Variants in CYB5RL observed in about 807,000 individuals in gnomAD.
The protein encoded by CYB5RL is cytochrome b5 reductase like, also known as NADH-cytochrome b5 reductase-like.
CYB5RL carries 38 observed loss-of-function variants against 37.5 expected under a neutral mutation model. The observed-to-expected ratio is 1.01, with a 90% CI of 0.78 to 1.33. The LOEUF is 1.33. CYB5RL is among the 40% of genes most tolerant of loss of function. CYB5RL has a pLI of 0.00. For missense variants in CYB5RL, 388 were observed against 394.4 expected (o/e 0.98, Z 0.14); for synonymous variants, 141 against 151.9 (o/e 0.93, Z 0.53).
intron 6 of CYB5RL, among the ~76,000 whole-genome samples, chr1:54,180,598 C>T (rs1462201579): frequency 2.0e-5 from 3 of 150,036 alleles, no homozygotes; most frequent in Non-Finnish European, 4.4e-5. Context: ...TGCGAGACTC[C>T]GTCTCAAAGA....
Position 54,196,385 on chromosome 1 carries a change from G to A in CYB5RL, c.-116C>T, listed in dbSNP as rs1484288438. The A allele has an allele frequency of 6.6e-6, 1 of 152,040 alleles. No homozygotes were observed. The highest frequency in any genetic ancestry group is 1.5e-5 in the Non-Finnish European group (1 of 68,030). The allele number at this position is 152,040 out of a possible 1,614,324, so 9.4% of individuals were successfully genotyped here. On this transcript the variant is annotated 5_prime_UTR_variant, in exon 2 of 8. Coordinates refer to ENST00000534324, the MANE Select transcript of CYB5RL (RefSeq NM_001031672.4). ...TTTACTTACATTTTGTAGAGACAGG[G>A]TCTCACTATGTTGCCAGTCTGGTCT...
rs979697093 is a variant in CYB5RL, at chr1:54,170,932, A to G, written c.*3687T>C. The G allele has an allele frequency of 8.7e-6, 3 of 343,044 alleles. No homozygotes were observed. The highest frequency in any genetic ancestry group is 6.4e-5 in the African/African-American group (3 of 46,574). The allele number at this position is 343,044 out of a possible 1,614,324, so 21.3% of individuals were successfully genotyped here. On this transcript the variant is annotated 3_prime_UTR_variant, in exon 8 of 8. Coordinates refer to ENST00000534324, the MANE Select transcript of CYB5RL (RefSeq NM_001031672.4). ...GAGGAAACACCTTTTGCCACCTGGAAAGCACTTCCTGAACATTAGTTGTTT... is the reference window on the plus strand; with the variant it reads ...GAGGAAACACCTTTTGCCACCTGGAGAGCACTTCCTGAACATTAGTTGTTT...
chr1:54,191,870 TG>T (rs569914126), intron 3 of CYB5RL, among the ~76,000 whole-genome samples: 2 of 152,336 alleles, frequency 1.3e-5, no homozygotes, highest in African/African-American at 4.8e-5. Context: ...AACACTGGAC[TG>T]GGAGTCGGGA....
chr1:54,182,313 A>C (rs951501529), intron 6 of CYB5RL, among the ~76,000 whole-genome samples: 1 of 152,184 alleles, frequency 6.6e-6, no homozygotes, highest in African/African-American at 2.4e-5. Context: ...GGCACACATG[A>C]GGTGCTACAC....
intron 3 of CYB5RL, among the ~76,000 whole-genome samples, chr1:54,192,018 G>T (rs1643958718): frequency 6.6e-6 from 1 of 152,136 alleles, no homozygotes; most frequent in South Asian, 2.1e-4. Context: ...TACCATGAGG[G>T]TCAGATGAGA....
chr1:54,186,003 A>G (rs553397784), intron 5 of CYB5RL: 445 of 165,762 alleles, frequency 2.7e-3, no homozygotes, highest in African/African-American at 8.8e-3. Flanking sequence ...CATGTGAGAT[A>G]TGCCTTTCAC....
At position 54,195,492 on chromosome 1, in the gene CYB5RL, T is replaced by G. The variant is rs1570123797; in HGVS notation, c.125A>C (p.His42Pro). ...TGCCTCCCACCTTGCCAGATCTCGGTGATAGAGGTCAAACACACAGGGTGA... is the reference window on the plus strand; with the variant it reads ...TGCCTCCCACCTTGCCAGATCTCGGGGATAGAGGTCAAACACACAGGGTGA... Reference protein sequence around the residue: ...GCSPCVFDLYHRDLARWEAAQ... With the variant: ...GCSPCVFDLYPRDLARWEAAQ... Residue 42 changes from histidine (H) to proline (P), a missense_variant, in exon 3 of 8, where the codon CAC (histidine) becomes CCC (proline). Transcript: ENST00000534324. 2.5e-6 allele frequency: 4 copies of G among 1,613,288 alleles called. No homozygotes were observed.
At chr1:54,184,023 C>T in intron 6 of CYB5RL, 138 bp downstream of exon 6, 1 of 555,828 alleles carries the variant, frequency 1.8e-6, no homozygotes, top group Non-Finnish European at 3.2e-6. Context: ...ATTCCATCTT[C>T]TCCCATGTCC....
chr1:54,184,836 A>G (rs1660250596), intron 5 of CYB5RL: 1 of 152,480 alleles, frequency 6.6e-6, no homozygotes, highest in African/African-American at 2.4e-5. Context: ...ATGCTGGCCA[A>G]TACCAAATAC....
chr1:54,194,968 G>T (rs1300480587), intron 3 of CYB5RL, among the ~76,000 whole-genome samples: 1 of 152,234 alleles, frequency 6.6e-6, no homozygotes, highest in Non-Finnish European at 1.5e-5. Flanking sequence ...TAAGGAGGAA[G>T]AAGTCAGTAA....
At chr1:54,198,158 C>G (rs1644030737) in intron 1 of CYB5RL, among the ~76,000 whole-genome samples, 1 of 150,626 alleles carries the variant, frequency 6.6e-6, no homozygotes, top group Non-Finnish European at 1.5e-5. Flanking sequence ...AATCTGGGAG[C>G]TAGGTGTTGG....
chr1:54,174,916 A>T, intron 7 of CYB5RL, 94 bp from the exon 8 acceptor site: 2 of 1,372,190 alleles, frequency 1.5e-6, no homozygotes, highest in South Asian at 2.5e-5. Context: ...GAGGAAACCA[A>T]GGCAGAGGGT....
chr1:54,190,442 T>C (rs1570115582), intron 4 of CYB5RL: 2 of 562,712 alleles, frequency 3.6e-6, no homozygotes, highest in East Asian at 5.9e-5. Context: ...CTTACTTCAA[T>C]TTCCTCTGGG....
chr1:54,197,312 C>CTTTTTTTTTTTTT (rs199620217), intron 1 of CYB5RL, among the ~76,000 whole-genome samples: 14 of 130,376 alleles, frequency 1.1e-4, no homozygotes, highest in East Asian at 2.4e-4. Context: ...TTTTTCTTTT[C>CTTTTTTTTTTTTT]TTTTCTTTTT....
At chr1:54,198,297 T>G (rs1011573921) in intron 1 of CYB5RL, among the ~76,000 whole-genome samples, 11 of 151,794 alleles carry the variant, frequency 7.2e-5, no homozygotes, top group African/African-American at 2.2e-4. Flanking sequence ...GTGAATGAGG[T>G]CTGGTTCCCT....
intron 7 of CYB5RL, among the ~76,000 whole-genome samples, chr1:54,178,111 A>G (rs1451869145): frequency 6.6e-6 from 1 of 152,134 alleles, no homozygotes; most frequent in Non-Finnish European, 1.5e-5. Context: ...CCACGCTCTC[A>G]TGTCATGCCA....
chr1:54,184,049 C>T, intron 6 of CYB5RL, 112 bp downstream of exon 6: 1 of 794,268 alleles, frequency 1.3e-6, no homozygotes, highest in South Asian at 1.8e-5. Context: ...CAAGGATACA[C>T]CTGGGATTGT....
At chr1:54,182,694 T>C (rs1477673164) in intron 6 of CYB5RL, among the ~76,000 whole-genome samples, 1 of 152,056 alleles carries the variant, frequency 6.6e-6, no homozygotes, top group South Asian at 2.1e-4. Context: ...GGATTACAGG[T>C]GTGTGCCACC....
At chr1:54,189,995 T>A (rs910097665) in intron 4 of CYB5RL, among the ~76,000 whole-genome samples, 3 of 152,198 alleles carry the variant, frequency 2.0e-5, no homozygotes, top group African/African-American at 7.2e-5. Context: ...TGCACACATT[T>A]TCCCAAATGC....
Sources: gnomAD v4.1 joint callset for allele counts (sites outside exome capture counted in the v4.1 genomes callset) on GRCh38, gnomAD v4.1.1 for gene constraint, MANE v1.5 for transcripts, NCBI Gene and HGNC (gene_info 2026-07-23, HGNC 2026-07-21) for gene names.